Variants in FANCA observed in about 807,000 individuals in gnomAD.
FANCA encodes FA complementation group A, also known as Fanconi anemia group A protein.
A neutral mutation model predicts 194.3 loss-of-function variants in FANCA; 236 were observed. The ratio of observed to expected loss-of-function variants is 1.21; its 90% CI spans 1.09 to 1.35. FANCA has a LOEUF of 1.35. Ranked by LOEUF, FANCA falls within the 40% of genes most tolerant of loss-of-function variation. FANCA has a pLI of 0.00. For synonymous variants in FANCA, 1,014 were observed against 715.8 expected, an observed-to-expected ratio of 1.42 and a Z score of -6.65; for missense variants, 2,628 against 1,813.9, an observed-to-expected ratio of 1.45 and a Z score of -8.15.
At chr16:89,759,134 CA>C (rs561990452) in intron 29 of FANCA, among the ~76,000 whole-genome samples, 147 of 151,274 alleles carry the variant, frequency 9.7e-4, no homozygotes, top group African/African-American at 3.3e-3. Flanking sequence ...TCCTGGGTAA[CA>C]CGGTGAAACC....
At chr16:89,749,673 A>G in intron 32 of FANCA, 57 bp downstream of exon 32, 4 of 1,576,660 alleles carry the variant, frequency 2.5e-6, no homozygotes, top group South Asian at 1.1e-5. Context: ...TAGGACCGTC[A>G]TGAGATGCTG....
At chr16:89,740,194 C>T in intron 38 of FANCA, 95 bp from the exon 39 acceptor site, 1 of 996,166 alleles carries the variant, frequency 1.0e-6, no homozygotes, top group Non-Finnish European at 1.6e-6. Context: ...GGCATTTCCT[C>T]TTTGCTTATT....
chr16:89,807,069 G>A lies in FANCA; in HGVS notation c.596+1225C>T, dbSNP rs1387809066. On this transcript the variant is annotated intron_variant, in intron 6 of 42. Transcript: ENST00000389301. ...TACCCATTACTGAAAGGGGAGTATT[G>A]AAACCTCTAATGATTATTGCTGAAA... 2.0e-5 allele frequency among the ~76,000 whole-genome samples: 3 copies of A among 152,232 alleles called. No individual in the cohort carries two copies. The East Asian group carries it at 5.8e-4, about 29-fold the overall frequency.
intron 8 of FANCA, among the ~76,000 whole-genome samples, chr16:89,801,844 C>T (rs1168790637): frequency 6.6e-6 from 1 of 151,810 alleles, no homozygotes; most frequent in Non-Finnish European, 1.5e-5. Flanking sequence ...GCCGAAATCG[C>T]GCCACTGCAC....
chr16:89,793,017 A>T (rs1188768187), intron 11 of FANCA, among the ~76,000 whole-genome samples: 1 of 152,164 alleles, frequency 6.6e-6, no homozygotes, highest in Non-Finnish European at 1.5e-5. Flanking sequence ...TACAGGATGG[A>T]ACATGAAGGT....
At chr16:89,812,865 T>A (rs577154607) in intron 3 of FANCA, among the ~76,000 whole-genome samples, 3 of 151,102 alleles carry the variant, frequency 2.0e-5, no homozygotes, top group African/African-American at 7.3e-5. Flanking sequence ...AAACCCCGCC[T>A]CTACTAAAAA....
chr16:89,753,691 T>C (rs1391883931), intron 30 of FANCA, among the ~76,000 whole-genome samples: 1 of 152,100 alleles, frequency 6.6e-6, no homozygotes, highest in East Asian at 1.9e-4. Context: ...GACTGAAAGC[T>C]GTTCTCCTAA....
intron 20 of FANCA, chr16:89,778,221 G>A (rs1555551714): frequency 6.0e-6 from 1 of 165,722 alleles, no homozygotes; most frequent in Non-Finnish European, 1.3e-5. Flanking sequence ...CCAGCACTCT[G>A]TGAGGATGAG....
At chr16:89,759,545 G>A (rs1197475996) in intron 29 of FANCA, among the ~76,000 whole-genome samples, 1 of 151,854 alleles carries the variant, frequency 6.6e-6, no homozygotes, top group Non-Finnish European at 1.5e-5. Context: ...AGGATCACTT[G>A]AGCCCAGGAG....
At chr16:89,809,578 G>A (rs149898698) in intron 5 of FANCA, among the ~76,000 whole-genome samples, 67 of 151,794 alleles carry the variant, frequency 4.4e-4, no homozygotes, top group South Asian at 4.2e-3. Context: ...GGCAGGGCGC[G>A]GTGACTCACA....
At chr16:89,815,856 C>A (rs1266127463) in intron 2 of FANCA, 21 bp downstream of exon 2, 7 of 1,576,156 alleles carry the variant, frequency 4.4e-6, no homozygotes, top group Non-Finnish European at 6.1e-6. Flanking sequence ...TGCCCGCAGA[C>A]GGACACCAGC....
intron 6 of FANCA, among the ~76,000 whole-genome samples, 178 bp from the exon 7 acceptor site, chr16:89,805,570 C>T (rs567075588): frequency 7.2e-5 from 11 of 152,136 alleles, no homozygotes; most frequent in East Asian, 1.9e-4. Context: ...GCAATCCTTC[C>T]ACCTCAGCCT....
rs1180368142 is a variant in FANCA at position 89,816,538 on chromosome 16, C to T, written c.78G>A (p.Leu26=). ...GGRRRAWAEL[L]AGRVKREKYN... ...CCGCGGCCTGCCGCGCCCACCTACCCAGCAGCTCGGCCCAGGCCCTCCGGC... is the reference window on the plus strand; with the variant it reads ...CCGCGGCCTGCCGCGCCCACCTACCTAGCAGCTCGGCCCAGGCCCTCCGGC... Residue 26 remains leucine, a splice_region_variant and synonymous_variant, in exon 1 of 43, where the codon CTG becomes CTA. Transcript: ENST00000389301. 1 of 1,496,962 alleles carries T rather than the reference C, an allele frequency of 6.7e-7. No homozygotes were observed. The highest frequency in any genetic ancestry group is 8.8e-7 in the Non-Finnish European group (1 of 1,130,240). The allele number at this position is 1,496,962 out of a possible 1,614,324, so 92.7% of individuals were successfully genotyped here. A position where few individuals can be genotyped will look rare whatever the true frequency, so the allele number is the denominator to read the frequency against.
intron 23 of FANCA, among the ~76,000 whole-genome samples, chr16:89,771,155 C>CAAAAAAAAAAAAAAAAAAAAAAAA (rs34471552): frequency 5.7e-4 from 32 of 56,636 alleles, no homozygotes; most frequent in African/African-American, 2.2e-3. Context: ...AAGACTCAGT[C>CAAAAAAAAAAAAAAAAAAAAAAAA]AAAAAAAAAA....
At chr16:89,803,484 G>C (rs545642407) in intron 7 of FANCA, 143 bp from the exon 8 acceptor site, 1 of 750,724 alleles carries the variant, frequency 1.3e-6, no homozygotes, top group East Asian at 2.5e-5. Flanking sequence ...CCTAACCTGA[G>C]GAACGCTGCA....
chr16:89,798,102 G>A (rs889292629), intron 10 of FANCA, among the ~76,000 whole-genome samples: 1 of 152,118 alleles, frequency 6.6e-6, no homozygotes, highest in Non-Finnish European at 1.5e-5. Context: ...TGTTGATAAG[G>A]CTGAGGTGAT....
intron 30 of FANCA, among the ~76,000 whole-genome samples, chr16:89,754,574 T>C (rs1158761791): frequency 1.3e-5 from 2 of 152,156 alleles, no homozygotes; most frequent in African/African-American, 4.8e-5. Context: ...TTTCACCATG[T>C]TGGCCAGGCT....
intron 28 of FANCA, among the ~76,000 whole-genome samples, chr16:89,764,357 T>C (rs951204696): frequency 1.3e-5 from 2 of 152,188 alleles, no homozygotes; most frequent in African/African-American, 2.4e-5. Flanking sequence ...CTGGCTGGAA[T>C]AGAGTGGCGT....
chr16:89,811,168 G>T, intron 3 of FANCA, 97 bp from the exon 4 acceptor site: 1 of 1,520,138 alleles, frequency 6.6e-7, no homozygotes, highest in Non-Finnish European at 9.0e-7. Flanking sequence ...TTAAGATGCA[G>T]CACAAAAAAA....
Sources: gnomAD v4.1 joint callset for allele counts (sites outside exome capture counted in the v4.1 genomes callset) on GRCh38, gnomAD v4.1.1 for gene constraint, MANE v1.5 for transcripts, NCBI Gene and HGNC (gene_info 2026-07-23, HGNC 2026-07-21) for gene names.